RAB40B: variants seen among roughly 807,000 people sequenced by gnomAD.
RAB40B encodes ras-related protein Rab-40B.
Under a neutral mutation model 24.0 loss-of-function variants are expected in RAB40B, and 21 were observed. The ratio of observed to expected loss-of-function variants is 0.88; its 90% CI spans 0.62 to 1.26. The LOEUF (loss-of-function observed/expected upper bound fraction) is 1.26. Among genes scored for constraint, RAB40B ranks in the 50% most tolerant of loss-of-function variants. The probability of loss-of-function intolerance (pLI) is 0.00; values close to 1 mark genes in which losing one functional copy is unlikely to be tolerated. For synonymous variants in RAB40B, 167 were observed against 169.8 expected, an observed-to-expected ratio of 0.98 and a Z score of 0.13; for missense variants, 348 against 390.5, an observed-to-expected ratio of 0.89 and a Z score of 0.92.
intron 1 of RAB40B, chr17:82,664,776 T>G (rs2046233361): frequency 1.9e-6 from 1 of 523,554 alleles, no homozygotes; most frequent in Middle Eastern, 4.7e-4. Context: ...TTGGCCTCTG[T>G]GGGGGTCAGG....
In RAB40B at chr17:82,698,452, C is replaced by A; in HGVS notation, c.142+3G>T. ...CCCCGGCACGCCCTCCGCCCGCGCT[C>A]ACCCGCCGGGTGGCCGTACGGGGAC... On this transcript the variant is annotated splice_donor_region_variant and intron_variant, in intron 1 of 5. Transcript: ENST00000571995. The A allele has an allele frequency of 6.9e-7, 1 of 1,449,656 alleles. No homozygotes were observed. 89.8% of individuals were successfully genotyped at this position (1,449,656 alleles called of 1,614,324 possible). A position where few individuals can be genotyped will look rare whatever the true frequency, so the allele number is the denominator to read the frequency against.
intron 1 of RAB40B, among the ~76,000 whole-genome samples, chr17:82,693,614 A>G (rs1232179361): frequency 6.6e-6 from 1 of 152,234 alleles, no homozygotes; most frequent in Non-Finnish European, 1.5e-5. Flanking sequence ...ATGGCAGAAC[A>G]AACCATAATA....
chr17:82,690,093 T>G (rs2046540445), intron 1 of RAB40B, among the ~76,000 whole-genome samples: 1 of 152,234 alleles, frequency 6.6e-6, no homozygotes, highest in Non-Finnish European at 1.5e-5. Context: ...AAATCGTGTT[T>G]TATATCTCGA....
intron 1 of RAB40B, among the ~76,000 whole-genome samples, chr17:82,683,285 G>C (rs2143532909): frequency 6.6e-6 from 1 of 152,262 alleles, no homozygotes; most frequent in African/African-American, 2.4e-5. Context: ...GACATTAAAA[G>C]GATGGTCTAT....
intron 1 of RAB40B, among the ~76,000 whole-genome samples, chr17:82,691,107 C>T (rs369337904): frequency 8.8e-4 from 134 of 152,304 alleles, no homozygotes; most frequent in Middle Eastern, 6.8e-3. Context: ...GTCCACGCAC[C>T]GTGTAGTCTT....
chr17:82,682,584 G>C (rs755397268), intron 1 of RAB40B, among the ~76,000 whole-genome samples: 2 of 152,070 alleles, frequency 1.3e-5, no homozygotes, highest in African/African-American at 4.8e-5. Flanking sequence ...AGTCAAAAGA[G>C]CAAAGTTGGA....
intron 1 of RAB40B, among the ~76,000 whole-genome samples, chr17:82,678,878 C>CA (rs2046420370): frequency 3.3e-5 from 3 of 91,500 alleles, no homozygotes; most frequent in Non-Finnish European, 6.2e-5. Context: ...TCCCTTTCTG[C>CA]GTTTTTTTTT....
chr17:82,677,020 C>T (rs1311321798), intron 1 of RAB40B, among the ~76,000 whole-genome samples: 1 of 151,652 alleles, frequency 6.6e-6, no homozygotes, highest in Non-Finnish European at 1.5e-5. Flanking sequence ...ACGATCTCGG[C>T]TCACCGCAAG....
chr17:82,671,133 C>G (rs1043526166), intron 1 of RAB40B, among the ~76,000 whole-genome samples: 3 of 151,820 alleles, frequency 2.0e-5, no homozygotes, highest in Admixed American at 6.6e-5. Context: ...TGACACACCC[C>G]ACCCCTGTAA....
Position 82,657,486 on chromosome 17 carries a change from G to A in RAB40B, c.*377C>T. On this transcript the variant is annotated 3_prime_UTR_variant, in exon 6 of 6. Transcript: ENST00000571995. ...ATCAGTGACTCTAAATTATCCCGCT[G>A]CCATTGCTTCTCAAATTCCATTGAA... The A allele has an allele frequency of 5.5e-6, 2 of 360,674 alleles. No individual in the cohort carries two copies. The highest frequency in any genetic ancestry group is 1.5e-4 in the East Asian group (2 of 13,682). 22.3% of individuals were successfully genotyped at this position (360,674 alleles called of 1,614,324 possible).
chr17:82,685,446 C>A (rs1330635078), intron 1 of RAB40B, among the ~76,000 whole-genome samples: 1 of 152,172 alleles, frequency 6.6e-6, no homozygotes, highest in African/African-American at 2.4e-5. Flanking sequence ...CAACCCCAAG[C>A]ATGGACGACC....
chr17:82,678,858 T>C (rs2046420148), intron 1 of RAB40B, among the ~76,000 whole-genome samples: 1 of 148,342 alleles, frequency 6.7e-6, no homozygotes. Context: ...GTGGTTTTTG[T>C]GAAAGCAGCT....
rs947627825 is a variant in RAB40B at position 82,692,606 on chromosome 17, A to G, written c.142+5849T>C. Among the ~76,000 whole-genome samples, 10 of 152,132 alleles carry G rather than the reference A, an allele frequency of 6.6e-5. No homozygotes were observed. Among genetic ancestry groups the G allele is most frequent in the African/African-American group, 2.4e-4 (10 of 41,424 alleles). ...GCGATGCGGGGTGGGGGTGGGGGGC[A>G]TCCGACTGAAAAAAGTGTGTCTCGA... is the stretch of plus-strand genomic sequence containing the variant. On this transcript the variant is annotated intron_variant, in intron 1 of 5. Transcript: ENST00000571995. This position sits in a 1 kb window ranked among gnomAD's most constrained non-coding sequence, Gnocchi z 4.0.
rs538909955 is a variant in RAB40B, at chr17:82,658,552, C to T, written c.504G>A (p.Thr168=). Residue 168 remains threonine (T), a synonymous_variant, in exon 5 of 6, where the codon ACG becomes ACA. Coordinates refer to ENST00000571995, the MANE Select transcript of RAB40B (RefSeq NM_006822.3). ...LCNFNITESF[T]ELARIVLLRH... ...GCAGCAGCACGATCCTGGCCAGCTC[C>T]GTGAACGACTCTGTGATGTTGAAAT... 8.1e-6 allele frequency: 13 copies of T among 1,613,404 alleles called. No individual in the cohort carries two copies. The highest frequency in any genetic ancestry group is 5.3e-5 in the African/African-American group (4 of 74,794).
At position 82,698,436 on chromosome 17, in the gene RAB40B, G is replaced by A. The variant is rs753880778; in HGVS notation, c.142+19C>T. ...CGGCCCCGCGCCCGCACCCCGGCACGCCCTCCGCCCGCGCTCACCCGCCGG... is the reference window on the plus strand; with the variant it reads ...CGGCCCCGCGCCCGCACCCCGGCACACCCTCCGCCCGCGCTCACCCGCCGG... On this transcript the variant is annotated intron_variant, in intron 1 of 5. Transcript: ENST00000571995. 4.8e-6 allele frequency: 6 copies of A among 1,244,214 alleles called. No individual in the cohort carries two copies. In the Admixed American group the frequency reaches 1.3e-4, roughly 28 times the overall value. 77.1% of individuals were successfully genotyped at this position (1,244,214 alleles called of 1,614,324 possible).
chr17:82,683,672 T>G (rs1225563631), intron 1 of RAB40B, among the ~76,000 whole-genome samples: 1 of 151,112 alleles, frequency 6.6e-6, no homozygotes, highest in Non-Finnish European at 1.5e-5. Flanking sequence ...CCAGGCCTGG[T>G]GGTGTGCACT....
At chr17:82,669,780 TCA>T (rs1797376838) in intron 1 of RAB40B, among the ~76,000 whole-genome samples, 1 of 152,148 alleles carries the variant, frequency 6.6e-6, no homozygotes, top group African/African-American at 2.4e-5. Flanking sequence ...AAAAATCTCT[TCA>T]CAGTCCTTTA....
chr17:82,678,695 G>C (rs538717644), intron 1 of RAB40B, among the ~76,000 whole-genome samples: 1 of 152,268 alleles, frequency 6.6e-6, no homozygotes, highest in African/African-American at 2.4e-5. Flanking sequence ...AAAGCAGACT[G>C]GCGGTCCCCG....
intron 1 of RAB40B, among the ~76,000 whole-genome samples, chr17:82,690,641 CAT>C (rs1490368101): frequency 1.5e-5 from 2 of 131,710 alleles, no homozygotes; most frequent in African/African-American, 5.9e-5. Context: ...GGAGTGTGCA[CAT>C]GTGTTCCCGG....
Sources: gnomAD v4.1 joint callset for allele counts (sites outside exome capture counted in the v4.1 genomes callset) on GRCh38, gnomAD v4.1.1 for gene constraint, Gnocchi (gnomAD v3.1) non-coding constraint, MANE v1.5 for transcripts, NCBI Gene and HGNC (gene_info 2026-07-23, HGNC 2026-07-21) for gene names.